The following LDLRAD4 variants were observed in gnomAD, a reference collection of about 807,000 sequenced individuals.
LDLRAD4 encodes low-density lipoprotein receptor class A domain-containing protein 4.
A neutral mutation model predicts 17.0 loss-of-function variants in LDLRAD4; 5 were observed. That is an observed-to-expected ratio of 0.29 (90% CI 0.15 to 0.62). The LOEUF (loss-of-function observed/expected upper bound fraction) is 0.62. LDLRAD4 is among the 20% of genes least tolerant of loss of function. LDLRAD4 has a pLI of 0.84. For missense variants in LDLRAD4, 340 were observed against 424.7 expected, an observed-to-expected ratio of 0.80 and a Z score of 1.75; for synonymous variants, 168 against 171.8, an observed-to-expected ratio of 0.98 and a Z score of 0.17.
intron 3 of LDLRAD4, among the ~76,000 whole-genome samples, chr18:13,541,342 T>C (rs2094280056): frequency 1.3e-5 from 2 of 152,300 alleles, no homozygotes; most frequent in African/African-American, 4.8e-5. Context: ...GTGCCAACAA[T>C]AGGGACTTGG....
chr18:13,241,802 GTCCTGCGCCGTAATTAC>G (rs1424964049), intron 1 of LDLRAD4: 4 of 152,400 alleles, frequency 2.6e-5, no homozygotes, highest in African/African-American at 9.6e-5. Context: ...CGTGAAATGG[GTCCTGCGCCGTAATTAC>G]TCCTGCTGGA....
intron 3 of LDLRAD4, among the ~76,000 whole-genome samples, chr18:13,508,465 A>C (rs1192699039): frequency 6.6e-6 from 1 of 152,236 alleles, no homozygotes; most frequent in Non-Finnish European, 1.5e-5. Context: ...CCTGGCCTCA[A>C]AGCTTCAAAG....
chr18:13,624,497 C>A (rs1373475002), intron 4 of LDLRAD4, among the ~76,000 whole-genome samples: 1 of 152,194 alleles, frequency 6.6e-6, no homozygotes, highest in Non-Finnish European at 1.5e-5. Flanking sequence ...GAGGCCAAGA[C>A]CCCGCTGCCA....
At chr18:13,302,362 C>G (rs1241579841) in intron 1 of LDLRAD4, among the ~76,000 whole-genome samples, 1 of 152,178 alleles carries the variant, frequency 6.6e-6, no homozygotes. Context: ...TTTTCAGCAG[C>G]TCTGTGCAGG....
intron 3 of LDLRAD4, among the ~76,000 whole-genome samples, chr18:13,504,917 C>G (rs2093666843): frequency 6.6e-6 from 1 of 152,130 alleles, no homozygotes. Flanking sequence ...CACCTTCCCA[C>G]TAGAGGACAC....
At chr18:13,537,656 G>A (rs1164255869) in intron 3 of LDLRAD4, among the ~76,000 whole-genome samples, 3 of 152,224 alleles carry the variant, frequency 2.0e-5, no homozygotes, top group South Asian at 2.1e-4. Context: ...GACCCCTGCC[G>A]TACAGTATAG....
At chr18:13,430,825 C>G (rs866708523) in intron 2 of LDLRAD4, among the ~76,000 whole-genome samples, 6 of 152,346 alleles carry the variant, frequency 3.9e-5, no homozygotes, top group Admixed American at 6.5e-5. Context: ...CCCCAGCCCC[C>G]TCGCTGACGT....
At chr18:13,549,160 A>T (rs1601303992) in intron 3 of LDLRAD4, among the ~76,000 whole-genome samples, 4 of 152,312 alleles carry the variant, frequency 2.6e-5, no homozygotes, top group Admixed American at 2.6e-4. Flanking sequence ...GTTTCAGAAA[A>T]GCTGTGTAAA....
chr18:13,453,940 C>T (rs762589542), intron 3 of LDLRAD4, among the ~76,000 whole-genome samples: 5 of 152,270 alleles, frequency 3.3e-5, no homozygotes, highest in African/African-American at 7.2e-5. Flanking sequence ...TAACAGGCTG[C>T]GGGAGCTAAT....
At chr18:13,473,325 A>G (rs2092828318) in intron 3 of LDLRAD4, among the ~76,000 whole-genome samples, 5 of 152,196 alleles carry the variant, frequency 3.3e-5, no homozygotes, top group Admixed American at 2.0e-4. Context: ...CATTTATCCC[A>G]TAGTCTAGGT....
Position 13,358,538 on chromosome 18 carries a change from A to G in LDLRAD4, c.-382-28803A>G, listed in dbSNP as rs1424214505. On this transcript the variant is annotated intron_variant, in intron 1 of 5. Transcript: ENST00000359446. ...TATTTTATTATTACTCATTTGATTTATCCCTAAAATGTGATAAATAAAATT... is the reference window on the plus strand; with the variant it reads ...TATTTTATTATTACTCATTTGATTTGTCCCTAAAATGTGATAAATAAAATT... 2.0e-5 allele frequency among the ~76,000 whole-genome samples: 3 copies of G among 152,158 alleles called. No homozygotes were observed. In the East Asian group the frequency reaches 5.8e-4, roughly 29 times the overall value.
At chr18:13,400,761 G>A (rs1485461684) in intron 2 of LDLRAD4, among the ~76,000 whole-genome samples, 1 of 152,160 alleles carries the variant, frequency 6.6e-6, no homozygotes, top group Non-Finnish European at 1.5e-5. Context: ...TAGGGATGAC[G>A]GAGGAAAGGA....
chr18:13,313,159 G>A (rs1200206610), intron 1 of LDLRAD4, among the ~76,000 whole-genome samples: 1 of 152,168 alleles, frequency 6.6e-6, no homozygotes, highest in Non-Finnish European at 1.5e-5. Flanking sequence ...TTATTTGTAC[G>A]TGTTCTGTTA....
intron 1 of LDLRAD4, among the ~76,000 whole-genome samples, chr18:13,233,727 G>A (rs899189298): frequency 4.6e-5 from 7 of 152,092 alleles, no homozygotes; most frequent in Admixed American, 4.6e-4. Context: ...GCAGAGTTTT[G>A]TCGCAACTGT....
chr18:13,248,097 A>T (rs1349328553), intron 1 of LDLRAD4, among the ~76,000 whole-genome samples: 1 of 151,488 alleles, frequency 6.6e-6, no homozygotes, highest in Non-Finnish European at 1.5e-5. Flanking sequence ...AGTAGCTGGG[A>T]TTACAGGCGT....
chr18:13,576,435 A>G (rs1004054996), intron 3 of LDLRAD4, among the ~76,000 whole-genome samples: 1 of 143,220 alleles, frequency 7.0e-6, no homozygotes, highest in African/African-American at 2.5e-5. Flanking sequence ...AAAAAAAAAA[A>G]AAAAAGAAAG....
At chr18:13,286,061 A>G (rs908015381) in intron 1 of LDLRAD4, among the ~76,000 whole-genome samples, 1 of 152,198 alleles carries the variant, frequency 6.6e-6, no homozygotes, top group Non-Finnish European at 1.5e-5. Context: ...TTCCCAAACC[A>G]AAACTGTGTA....
At chr18:13,337,462 T>C (rs1309111601) in intron 1 of LDLRAD4, among the ~76,000 whole-genome samples, 1 of 152,234 alleles carries the variant, frequency 6.6e-6, no homozygotes, top group East Asian at 1.9e-4. Context: ...TTTCATTGTC[T>C]TTTTGCTTTT....
chr18:13,587,434 T>A (rs139188762), intron 3 of LDLRAD4, among the ~76,000 whole-genome samples: 1 of 152,186 alleles, frequency 6.6e-6, no homozygotes, highest in African/African-American at 2.4e-5. Flanking sequence ...ACAGTCGACC[T>A]GTCAGATTCC....
Sources: allele counts gnomAD v4.1 joint callset (sites outside exome capture counted in the v4.1 genomes callset), GRCh38; gene constraint gnomAD v4.1.1; transcripts MANE v1.5; gene names NCBI Gene and HGNC (gene_info 2026-07-23, HGNC 2026-07-21).